Variants in LRFN5 observed in about 807,000 individuals in gnomAD.
The protein encoded by LRFN5 is leucine rich repeat and fibronectin type III domain containing 5.
In LRFN5, 24 loss-of-function variants were observed where a neutral mutation model predicts 45.6. The observed-to-expected ratio is 0.53, with a 90% CI of 0.38 to 0.74. The LOEUF is 0.74. LRFN5 is among the 30% of genes least tolerant of loss of function. LRFN5 has a pLI of 0.00. For missense variants in LRFN5, 776 were observed against 861.5 expected (o/e 0.90, Z 1.24); for synonymous variants, 340 against 313.8 (o/e 1.08, Z -0.88).
intron 2 of LRFN5, among the ~76,000 whole-genome samples, chr14:41,846,403 A>G (rs1889068377): frequency 6.6e-6 from 1 of 152,200 alleles, no homozygotes; most frequent in Admixed American, 6.6e-5. Flanking sequence ...CTATAATCGT[A>G]TAATGTAATA....
At chr14:41,807,079 G>A (rs1479377967) in intron 2 of LRFN5, among the ~76,000 whole-genome samples, 4 of 152,040 alleles carry the variant, frequency 2.6e-5, no homozygotes, top group Non-Finnish European at 5.9e-5. Flanking sequence ...ACCATCTAAC[G>A]AGTCAAAAAA....
At chr14:41,674,374 G>A (rs1881464497) in intron 1 of LRFN5, among the ~76,000 whole-genome samples, 3 of 139,314 alleles carry the variant, frequency 2.2e-5, no homozygotes, top group South Asian at 2.4e-4. Flanking sequence ...GGCCGGGCGG[G>A]GGGCTGACCC....
intron 1 of LRFN5, among the ~76,000 whole-genome samples, chr14:41,694,438 G>C (rs1320734791): frequency 6.6e-6 from 1 of 151,742 alleles, no homozygotes; most frequent in Non-Finnish European, 1.5e-5. Flanking sequence ...AAATCGTGCA[G>C]TATTTGTCTT....
At chr14:41,840,159 T>A (rs1036472400) in intron 2 of LRFN5, among the ~76,000 whole-genome samples, 1 of 152,090 alleles carries the variant, frequency 6.6e-6, no homozygotes, top group Non-Finnish European at 1.5e-5. Flanking sequence ...TAATCCACAA[T>A]GTCCTAAAAG....
intron 2 of LRFN5, among the ~76,000 whole-genome samples, chr14:41,839,425 C>A (rs1422824523): frequency 1.3e-5 from 2 of 151,994 alleles, no homozygotes; most frequent in Non-Finnish European, 2.9e-5. Context: ...ATAACAATAA[C>A]AATAATTTCA....
At chr14:41,632,815 A>G (rs1888594935) in intron 1 of LRFN5, among the ~76,000 whole-genome samples, 1 of 152,164 alleles carries the variant, frequency 6.6e-6, no homozygotes, top group South Asian at 2.1e-4. Context: ...GTTTATCTGC[A>G]TCTGTTTCAA....
At chr14:41,645,320 C>T (rs965999555) in intron 1 of LRFN5, among the ~76,000 whole-genome samples, 12 of 152,186 alleles carry the variant, frequency 7.9e-5, no homozygotes, top group African/African-American at 2.2e-4. Flanking sequence ...CTGCAACCTC[C>T]GCCTCCCAGG....
At chr14:41,715,050 C>A (rs1392220467) in intron 1 of LRFN5, among the ~76,000 whole-genome samples, 1 of 151,988 alleles carries the variant, frequency 6.6e-6, no homozygotes, top group Non-Finnish European at 1.5e-5. Context: ...TATGCAGAGG[C>A]AGGCAGATTT....
At chr14:41,783,711 TTC>T (rs67821027) in intron 2 of LRFN5, among the ~76,000 whole-genome samples, 21,676 of 151,988 alleles carry the variant, frequency 0.14, 1,693 homozygotes, top group East Asian at 0.22. Flanking sequence ...AAAGGGGATG[TTC>T]TGTTATTTTT....
rs76783046 is a variant in LRFN5, at chr14:41,706,415, C to T, written c.-196-60439C>T. Among the ~76,000 whole-genome samples, 540 of 152,102 alleles carry T rather than the reference C, an allele frequency of 3.6e-3. 17 individuals are homozygous for T. In the East Asian group the frequency reaches 0.075, roughly 21 times the overall value. ...ATGTCCGGCCGTTTCTGTACTTTAT[C>T]CTAAAAATTTTAGTGCTTTTTTTAA... On this transcript the variant is annotated intron_variant, in intron 1 of 5. Coordinates refer to ENST00000298119, the MANE Select transcript of LRFN5 (RefSeq NM_152447.5).
chr14:41,825,858 C>T (rs1269506761), intron 2 of LRFN5, among the ~76,000 whole-genome samples: 3 of 152,140 alleles, frequency 2.0e-5, no homozygotes, highest in Non-Finnish European at 4.4e-5. Flanking sequence ...GAGGAGCCCT[C>T]CAGCAGTTTG....
intron 1 of LRFN5, among the ~76,000 whole-genome samples, chr14:41,727,215 A>T (rs549826963): frequency 5.3e-5 from 8 of 152,318 alleles, no homozygotes; most frequent in South Asian, 2.1e-4. Flanking sequence ...AGTCATTTGT[A>T]TGTTAAAACA....
At chr14:41,845,564 A>G (rs1889033364) in intron 2 of LRFN5, among the ~76,000 whole-genome samples, 1 of 152,002 alleles carries the variant, frequency 6.6e-6, no homozygotes, top group Non-Finnish European at 1.5e-5. Context: ...ATCTCCTTGG[A>G]AACTGCAAGG....
chr14:41,820,725 C>G (rs1460875256), intron 2 of LRFN5, among the ~76,000 whole-genome samples: 3 of 151,930 alleles, frequency 2.0e-5, no homozygotes, highest in Admixed American at 2.0e-4. Context: ...TTCATCTTAA[C>G]AATACTGATT....
intron 1 of LRFN5, among the ~76,000 whole-genome samples, chr14:41,649,393 C>T (rs954479990): frequency 6.6e-6 from 1 of 151,758 alleles, no homozygotes; most frequent in Non-Finnish European, 1.5e-5. Context: ...AATATATTAC[C>T]ACTGTAGATC....
chr14:41,751,193 A>G (rs1212222778), intron 1 of LRFN5, among the ~76,000 whole-genome samples: 3 of 152,232 alleles, frequency 2.0e-5, no homozygotes, highest in Middle Eastern at 3.4e-3. Flanking sequence ...ATAATTCAAG[A>G]TGAGATTTGG....
Position 41,607,055 on chromosome 14 carries a change from T to TGGCCAGCGGGC in LRFN5, c.-1701_-1691dup, listed in dbSNP as rs1339937029. Among the ~76,000 whole-genome samples, 1 of 152,058 alleles carries TGGCCAGCGGGC rather than the reference T, an allele frequency of 6.6e-6. No homozygotes were observed. Among genetic ancestry groups the TGGCCAGCGGGC allele is most frequent in the African/African-American group, 2.4e-5 (1 of 41,428 alleles). On this transcript the variant is annotated 5_prime_UTR_variant, in exon 1 of 6. Transcript: ENST00000298119. ...GAACTGCGGACTCGCCCCAGCGCGG[T>TGGCCAGCGGGC]GGCCAGCGGGCGGGGCGCTGTGTTC...
At chr14:41,877,195 C>T (rs1213275758) in intron 2 of LRFN5, among the ~76,000 whole-genome samples, 1 of 152,112 alleles carries the variant, frequency 6.6e-6, no homozygotes, top group African/African-American at 2.4e-5. Flanking sequence ...TCAGTTTTAT[C>T]ATATACAATG....
chr14:41,614,677 G>T (rs534504513), intron 1 of LRFN5, among the ~76,000 whole-genome samples: 1 of 152,092 alleles, frequency 6.6e-6, no homozygotes, highest in African/African-American at 2.4e-5. Flanking sequence ...ACCCCCCTTG[G>T]TCACAGCCCT....
Sources: allele counts gnomAD v4.1 joint callset (sites outside exome capture counted in the v4.1 genomes callset), GRCh38; gene constraint gnomAD v4.1.1; transcripts MANE v1.5; gene names NCBI Gene and HGNC (gene_info 2026-07-23, HGNC 2026-07-21).